The following KTN1 variants were observed in gnomAD, a reference collection of about 807,000 sequenced individuals.
KTN1 encodes the protein kinectin.
In KTN1, 130 loss-of-function variants were observed where a neutral mutation model predicts 222.5. The ratio of observed to expected loss-of-function variants is 0.58; its 90% confidence interval spans 0.51 to 0.68. The LOEUF (loss-of-function observed/expected upper bound fraction) is 0.68. KTN1 is among the 30% of genes least tolerant of loss of function. KTN1 has a pLI of 0.00. For missense variants in KTN1, 1,508 were observed against 1,500.4 expected (o/e 1.01, Z -0.08); for synonymous variants, 512 against 496.3 (o/e 1.03, Z -0.42).
intron 1 of KTN1, among the ~76,000 whole-genome samples, chr14:55,604,846 T>C (rs570758791): frequency 3.3e-5 from 5 of 152,054 alleles, no homozygotes; most frequent in African/African-American, 1.2e-4. Flanking sequence ...TTTTTAGATT[T>C]GATTGCAGGG....
intron 29 of KTN1, among the ~76,000 whole-genome samples, chr14:55,658,075 A>G (rs922590604): frequency 9.2e-5 from 14 of 152,170 alleles, no homozygotes; most frequent in African/African-American, 3.4e-4. Context: ...ATCCATCATA[A>G]CAGTAGTAAT....
At chr14:55,650,168 C>T (rs1328274151) in intron 22 of KTN1, among the ~76,000 whole-genome samples, 160 bp from the exon 23 acceptor site, 1 of 151,940 alleles carries the variant, frequency 6.6e-6, no homozygotes, top group Non-Finnish European at 1.5e-5. Context: ...TTAGGAGGAG[C>T]TTTATGTTCA....
intron 43 of KTN1, chr14:55,682,119 T>G (rs2046426235): frequency 6.6e-6 from 1 of 152,172 alleles, no homozygotes. Flanking sequence ...AAAACAAATA[T>G]GCAAGAAATA....
In KTN1 at chr14:55,641,775, A is replaced by G. The variant is rs1309306251; in HGVS notation, c.2172+15A>G. ...TTTCTGAACAGGTAAGGCTTTTCCT[A>G]AATTACAAAGTAGAAATACTTGTTA... On this transcript the variant is annotated intron_variant, in intron 18 of 43. Transcript: ENST00000395314. The G allele has an allele frequency of 1.4e-6, 2 of 1,462,896 alleles. No homozygotes were observed. The highest frequency in any genetic ancestry group is 1.4e-5 in the African/African-American group (1 of 71,590). 90.6% of individuals were successfully genotyped at this position (1,462,896 alleles called of 1,614,324 possible). A position where few individuals can be genotyped will look rare whatever the true frequency, so the allele number is the denominator to read the frequency against.
intron 33 of KTN1, among the ~76,000 whole-genome samples, chr14:55,666,770 TAA>T (rs1420473606): frequency 6.6e-6 from 1 of 151,974 alleles, no homozygotes; most frequent in African/African-American, 2.4e-5. Context: ...AAGTTGGAAA[TAA>T]GAGAGTTACC....
In KTN1 at chr14:55,684,287, C is replaced by T; in HGVS notation, c.*184C>T. ...GAAAAAAAAAAGCCAACTCTGTAGACACCTTCAGAGTTTAGTTTTATAATA... is the reference window on the plus strand; with the variant it reads ...GAAAAAAAAAAGCCAACTCTGTAGATACCTTCAGAGTTTAGTTTTATAATA... On this transcript the variant is annotated 3_prime_UTR_variant, in exon 44 of 44. Coordinates refer to ENST00000395314, the MANE Select transcript of KTN1 (RefSeq NM_001079521.2). 1 of 447,318 alleles carries T rather than the reference C, an allele frequency of 2.2e-6. No individual in the cohort carries two copies. The highest frequency in any genetic ancestry group is 3.9e-6 in the Non-Finnish European group (1 of 253,820). 27.7% of individuals were successfully genotyped at this position (447,318 alleles called of 1,614,324 possible). A position where few individuals can be genotyped will look rare whatever the true frequency, so the allele number is the denominator to read the frequency against.
At chr14:55,675,184 T>G (rs2045787778) in intron 40 of KTN1, 1 of 152,228 alleles carries the variant, frequency 6.6e-6, no homozygotes, top group Non-Finnish European at 1.5e-5. Flanking sequence ...AGCAGTATAG[T>G]TCATTTTCCT....
chr14:55,673,967 G>C (rs2045674256), intron 40 of KTN1: 1 of 151,678 alleles, frequency 6.6e-6, no homozygotes, highest in Admixed American at 6.6e-5. Context: ...TGTCTTCCTT[G>C]TGAGTTAAAA....
At chr14:55,619,605 T>C (rs1290858434) in intron 5 of KTN1, among the ~76,000 whole-genome samples, 1 of 152,172 alleles carries the variant, frequency 6.6e-6, no homozygotes, top group Non-Finnish European at 1.5e-5. Context: ...ACGTCTTATA[T>C]GGTGGCAGGG....
At chr14:55,663,020 C>A in intron 32 of KTN1, 1 of 455,064 alleles carries the variant, frequency 2.2e-6, no homozygotes, top group Non-Finnish European at 4.4e-6. Context: ...CTAGTTTTGC[C>A]ACTTCGTTTT....
chr14:55,611,263 CTTTTT>C (rs897315974), intron 1 of KTN1, among the ~76,000 whole-genome samples: 1 of 116,054 alleles, frequency 8.6e-6, no homozygotes, highest in Non-Finnish European at 1.8e-5. Context: ...ATTTTCTTGT[CTTTTT>C]TTTTTTTTTT....
At chr14:55,645,329 C>T (rs1433888296) in intron 18 of KTN1, among the ~76,000 whole-genome samples, 1 of 152,120 alleles carries the variant, frequency 6.6e-6, no homozygotes, top group African/African-American at 2.4e-5. Context: ...GAAAGATTTG[C>T]TAAGACCTAA....
chr14:55,609,578 G>A (rs1002123617), intron 1 of KTN1, among the ~76,000 whole-genome samples: 4 of 152,198 alleles, frequency 2.6e-5, no homozygotes, highest in Non-Finnish European at 5.9e-5. Context: ...CAGAATTCTT[G>A]TGGTCTCATA....
chr14:55,595,116 C>T (rs1049025836), intron 1 of KTN1, among the ~76,000 whole-genome samples: 1 of 152,188 alleles, frequency 6.6e-6, no homozygotes, highest in African/African-American at 2.4e-5. Flanking sequence ...TGCATATGTA[C>T]ACGAAGCATA....
At chr14:55,617,823 G>C (rs1310225797) in intron 3 of KTN1, 141 bp from the exon 4 acceptor site, 1 of 598,020 alleles carries the variant, frequency 1.7e-6, no homozygotes, top group African/African-American at 1.9e-5. Flanking sequence ...CTTGTTAAAT[G>C]ACGAAATAGG....
intron 29 of KTN1, 100 bp from the exon 30 acceptor site, chr14:55,658,446 G>A (rs1029691046): frequency 2.8e-6 from 2 of 722,094 alleles, no homozygotes; most frequent in African/African-American, 3.7e-5. Context: ...TGCTATTTTG[G>A]AATTTTTCTA....
intron 1 of KTN1, among the ~76,000 whole-genome samples, chr14:55,587,254 A>G (rs1331014503): frequency 6.6e-6 from 1 of 152,170 alleles, no homozygotes; most frequent in Non-Finnish European, 1.5e-5. Flanking sequence ...ACTGAGTGGT[A>G]TTTGGTATGC....
intron 10 of KTN1, among the ~76,000 whole-genome samples, chr14:55,636,950 C>T (rs1166860760): frequency 1.3e-5 from 2 of 151,800 alleles, no homozygotes; most frequent in African/African-American, 4.8e-5. Context: ...CTAACGTTTA[C>T]TCATTTACTC....
At chr14:55,677,160 G>A (rs936189377) in intron 41 of KTN1, among the ~76,000 whole-genome samples, 3 of 152,086 alleles carry the variant, frequency 2.0e-5, no homozygotes, top group Non-Finnish European at 2.9e-5. Flanking sequence ...GATTGGAAAA[G>A]CACATAAATA....
Sources: allele counts gnomAD v4.1 joint callset (sites outside exome capture counted in the v4.1 genomes callset), GRCh38; gene constraint gnomAD v4.1.1; transcripts MANE v1.5; gene names NCBI Gene and HGNC (gene_info 2026-07-23, HGNC 2026-07-21).